Variants in ACVR1 observed in about 807,000 individuals in gnomAD.
The protein encoded by ACVR1 is activin A receptor type 1, also known as activin receptor type-1.
A neutral mutation model predicts 57.1 loss-of-function variants in ACVR1; 38 were observed. The observed-to-expected ratio is 0.67, with a 90% CI of 0.51 to 0.87. The LOEUF is 0.87. ACVR1 is among the 40% of genes least tolerant of loss of function. The probability of loss-of-function intolerance (pLI) is 0.00; values close to 1 mark genes in which losing one functional copy is unlikely to be tolerated. For missense variants in ACVR1, 463 were observed against 638.2 expected, an observed-to-expected ratio of 0.73 and a Z score of 2.96; for synonymous variants, 212 against 228.1, an observed-to-expected ratio of 0.93 and a Z score of 0.63.
chr2:157,746,457 C>T (rs925131816), intron 9 of ACVR1, among the ~76,000 whole-genome samples: 2 of 152,236 alleles, frequency 1.3e-5, no homozygotes, highest in African/African-American at 4.8e-5. Flanking sequence ...CTCCGGAGTG[C>T]ACTCTTCACA....
intron 1 of ACVR1, among the ~76,000 whole-genome samples, chr2:157,855,313 T>TAC (rs1237740290): frequency 1.5e-5 from 1 of 64,806 alleles, no homozygotes; most frequent in South Asian, 6.5e-4. Flanking sequence ...TGTGTGTATA[T>TAC]ATATATATAT....
chr2:157,746,266 CAT>C (rs1454980764), intron 9 of ACVR1, among the ~76,000 whole-genome samples: 2 of 152,232 alleles, frequency 1.3e-5, no homozygotes, highest in African/African-American at 2.4e-5. Flanking sequence ...GCCAGACACA[CAT>C]GAGATGCTTT....
At chr2:157,742,678 T>C (rs1292361421) in intron 9 of ACVR1, among the ~76,000 whole-genome samples, 1 of 152,106 alleles carries the variant, frequency 6.6e-6, no homozygotes, top group Non-Finnish European at 1.5e-5. Flanking sequence ...CCAATACCTT[T>C]AAAGCACACA....
intron 1 of ACVR1, among the ~76,000 whole-genome samples, chr2:157,829,623 G>A (rs1224541382): frequency 6.6e-6 from 1 of 152,004 alleles, no homozygotes; most frequent in Non-Finnish European, 1.5e-5. Flanking sequence ...AGCTCCCTGG[G>A]GACACCATGA....
chr2:157,774,490 A>G (rs1219732744), intron 5 of ACVR1, among the ~76,000 whole-genome samples: 12 of 152,020 alleles, frequency 7.9e-5, no homozygotes, highest in Admixed American at 7.2e-4. Context: ...TCAGCCTCCC[A>G]AGTAGCTGGG....
At chr2:157,824,310 A>G (rs1688259476) in intron 1 of ACVR1, among the ~76,000 whole-genome samples, 1 of 152,072 alleles carries the variant, frequency 6.6e-6, no homozygotes, top group Non-Finnish European at 1.5e-5. Context: ...TCTACAAAAA[A>G]TTTAAAAATT....
At chr2:157,789,598 C>T (rs191232659) in intron 3 of ACVR1, among the ~76,000 whole-genome samples, 2 of 152,314 alleles carry the variant, frequency 1.3e-5, no homozygotes, top group Non-Finnish European at 2.9e-5. Flanking sequence ...CACTGGCCAC[C>T]AAGTCTGTCC....
intron 2 of ACVR1, among the ~76,000 whole-genome samples, chr2:157,806,176 A>G (rs1283787863): frequency 1.6e-4 from 25 of 152,024 alleles, no homozygotes; most frequent in Admixed American, 1.6e-3. Flanking sequence ...TTCAACTGAA[A>G]ATCTTTATTT....
chr2:157,775,932 C>A (rs1335794209), intron 5 of ACVR1, among the ~76,000 whole-genome samples: 1 of 152,120 alleles, frequency 6.6e-6, no homozygotes, highest in Non-Finnish European at 1.5e-5. Flanking sequence ...CTATATTGCC[C>A]AGGCTGGTCT....
chr2:157,794,925 T>C (rs1454608884), intron 3 of ACVR1, among the ~76,000 whole-genome samples: 1 of 151,250 alleles, frequency 6.6e-6, no homozygotes, highest in East Asian at 1.9e-4. Flanking sequence ...ATATTTGAAA[T>C]GTTACCACTA....
chr2:157,841,879 T>C (rs998707994), intron 1 of ACVR1, among the ~76,000 whole-genome samples: 11 of 151,892 alleles, frequency 7.2e-5, no homozygotes, highest in African/African-American at 2.4e-4. Flanking sequence ...TTTAAAAAAT[T>C]AGCTGGGCGT....
At position 157,768,724 on chromosome 2, in the gene ACVR1, C is replaced by G. The variant is rs149979128; in HGVS notation, c.790+1644G>C. Among the ~76,000 whole-genome samples, 5 of 152,244 alleles carry G rather than the reference C, an allele frequency of 3.3e-5. No individual in the cohort carries two copies. The East Asian group carries it at 9.7e-4, about 29-fold the overall frequency. Reference sequence around the variant, plus strand: ...GAATGTTTGTGTTTTGAGTACAAAACTGTGGTTAAGAGTTAGGCTGCCTGA... The same window carrying G: ...GAATGTTTGTGTTTTGAGTACAAAAGTGTGGTTAAGAGTTAGGCTGCCTGA... On this transcript the variant is annotated intron_variant, in intron 7 of 10. Transcript: ENST00000434821.
intron 2 of ACVR1, among the ~76,000 whole-genome samples, chr2:157,814,905 G>T (rs1687878418): frequency 6.6e-6 from 1 of 152,146 alleles, no homozygotes; most frequent in South Asian, 2.1e-4. Context: ...CTAACACGGT[G>T]AAACCCTGTC....
intron 1 of ACVR1, among the ~76,000 whole-genome samples, chr2:157,829,101 C>T (rs374631024): frequency 4.0e-4 from 61 of 152,146 alleles, no homozygotes; most frequent in African/African-American, 1.4e-3. Flanking sequence ...GCTCACCAAT[C>T]ATTTGCTCTC....
At chr2:157,815,517 T>A (rs763035726) in intron 2 of ACVR1, among the ~76,000 whole-genome samples, 3 of 152,202 alleles carry the variant, frequency 2.0e-5, no homozygotes, top group African/African-American at 7.2e-5. Flanking sequence ...ATTAGGAAAC[T>A]ACTGAGCTGA....
At chr2:157,777,121 C>A (rs1686319393) in intron 5 of ACVR1, among the ~76,000 whole-genome samples, 1 of 151,988 alleles carries the variant, frequency 6.6e-6, no homozygotes, top group African/African-American at 2.4e-5. Context: ...CAAGTGATAC[C>A]CTTTCCCCAC....
At chr2:157,767,221 T>C (rs1024637166) in intron 7 of ACVR1, among the ~76,000 whole-genome samples, 1 of 152,008 alleles carries the variant, frequency 6.6e-6, no homozygotes, top group African/African-American at 2.4e-5. Context: ...TAAGTAGAGA[T>C]GAGGTTTCCC....
At chr2:157,757,233 C>T (rs1051262173) in intron 9 of ACVR1, among the ~76,000 whole-genome samples, 35 of 151,260 alleles carry the variant, frequency 2.3e-4, no homozygotes, top group East Asian at 1.9e-4. Context: ...ACAAAGCCTA[C>T]GTGATATATG....
rs1434866305 is a variant in ACVR1 at position 157,848,792 on chromosome 2, C to A, written c.-183+27004G>T. Among the ~76,000 whole-genome samples, 27 of 152,090 alleles carry A rather than the reference C, an allele frequency of 1.8e-4. 1 individual carries two copies. Among genetic ancestry groups the A allele is most frequent in the Admixed American group, 1.8e-3 (27 of 15,268 alleles). On this transcript the variant is annotated intron_variant, in intron 1 of 10. Coordinates refer to ENST00000434821, the MANE Select transcript of ACVR1 (RefSeq NM_001111067.4). ...TTTCTTGTATCTATATAATGGTGAG[C>A]AGTTGATGGTTGAAAGTCAAGGGAA...
Sources: gnomAD v4.1 joint callset for allele counts (sites outside exome capture counted in the v4.1 genomes callset) on GRCh38, gnomAD v4.1.1 for gene constraint, MANE v1.5 for transcripts, NCBI Gene and HGNC (gene_info 2026-07-23, HGNC 2026-07-21) for gene names.